GPC6: variants seen among roughly 807,000 people sequenced by gnomAD.
The protein encoded by GPC6 is glypican-6.
Under a neutral mutation model 55.2 loss-of-function variants are expected in GPC6, and 14 were observed. The observed-to-expected ratio is 0.25, with a 90% CI of 0.17 to 0.40. The LOEUF is 0.40. Among genes scored for constraint, GPC6 ranks in the 10% least tolerant of loss-of-function variants. The pLI, the probability that GPC6 is intolerant of heterozygous loss-of-function variation, is 1.00. For missense variants in GPC6, 641 were observed against 708.5 expected (o/e 0.90, Z 1.08); for synonymous variants, 278 against 259.6 (o/e 1.07, Z -0.68).
At chr13:93,545,471 G>C in intron 2 of GPC6, 50 bp downstream of exon 2, 1 of 1,434,540 alleles carries the variant, frequency 7.0e-7, no homozygotes, top group South Asian at 1.1e-5. Flanking sequence ...ACTTTTCTAT[G>C]AGAATCTTGG....
intron 4 of GPC6, among the ~76,000 whole-genome samples, chr13:94,201,814 T>C (rs1397604572): frequency 6.6e-6 from 1 of 152,062 alleles, no homozygotes; most frequent in East Asian, 1.9e-4. Context: ...CTGGGCGTGG[T>C]GGCGGGTGCC....
chr13:93,257,220 A>C (rs1876984413), intron 1 of GPC6, among the ~76,000 whole-genome samples: 1 of 152,038 alleles, frequency 6.6e-6, no homozygotes, highest in Admixed American at 6.6e-5. Flanking sequence ...GGACTGTTTG[A>C]GCACAGGTGG....
At chr13:93,937,842 G>A (rs972965752) in intron 3 of GPC6, among the ~76,000 whole-genome samples, 4 of 152,174 alleles carry the variant, frequency 2.6e-5, no homozygotes, top group Non-Finnish European at 5.9e-5. Flanking sequence ...GCCTCCCAAA[G>A]TGCTGGGATT....
At chr13:93,698,321 G>C (rs140312111) in intron 2 of GPC6, among the ~76,000 whole-genome samples, 1 of 151,966 alleles carries the variant, frequency 6.6e-6, no homozygotes, top group African/African-American at 2.4e-5. Flanking sequence ...AGCATTCTTC[G>C]TTGCAATGAA....
intron 2 of GPC6, among the ~76,000 whole-genome samples, chr13:93,756,821 G>T (rs1187750688): frequency 6.6e-6 from 1 of 152,208 alleles, no homozygotes; most frequent in Non-Finnish European, 1.5e-5. Flanking sequence ...TGTTTTAGAG[G>T]CTTGATAGGG....
At chr13:93,490,316 AC>A (rs571608534) in intron 1 of GPC6, among the ~76,000 whole-genome samples, 330 of 151,554 alleles carry the variant, frequency 2.2e-3, no homozygotes, top group African/African-American at 7.7e-3. Flanking sequence ...GAGACAAAGT[AC>A]TATAATCTGT....
At chr13:94,244,395 C>G (rs187036319) in intron 4 of GPC6, among the ~76,000 whole-genome samples, 4 of 152,096 alleles carry the variant, frequency 2.6e-5, no homozygotes, top group Admixed American at 1.3e-4. Context: ...AGTTTCACCA[C>G]CTGTGAAGTT....
At chr13:93,306,521 A>G (rs909371627) in intron 1 of GPC6, among the ~76,000 whole-genome samples, 1 of 152,164 alleles carries the variant, frequency 6.6e-6, no homozygotes, top group Non-Finnish European at 1.5e-5. Flanking sequence ...ACAAAATATA[A>G]TCACTAAATC....
At chr13:93,475,870 A>T (rs1879284348) in intron 1 of GPC6, among the ~76,000 whole-genome samples, 1 of 152,188 alleles carries the variant, frequency 6.6e-6, no homozygotes. Context: ...CAGAAAAAAC[A>T]TTTGAACAAG....
At chr13:93,250,292 T>G (rs1001918965) in intron 1 of GPC6, among the ~76,000 whole-genome samples, 11 of 152,322 alleles carry the variant, frequency 7.2e-5, no homozygotes, top group Non-Finnish European at 1.6e-4. Flanking sequence ...TGCGGAGTGA[T>G]AAAGGAGTGA....
Position 93,959,799 on chromosome 13 carries a change from T to A in GPC6, c.712-67930T>A, listed in dbSNP as rs575995579. Among the ~76,000 whole-genome samples the A allele has an allele frequency of 3.9e-5, 6 of 152,322 alleles. No homozygotes were observed. In the South Asian group the frequency reaches 1.2e-3, roughly 32 times the overall value. ...TCATTTACTCTTCACAATAACCCTA[T>A]GATCCAGTCTTATCTTTATTTTAGA... On this transcript the variant is annotated intron_variant, in intron 3 of 8. Coordinates refer to ENST00000377047, the MANE Select transcript of GPC6 (RefSeq NM_005708.5).
intron 1 of GPC6, among the ~76,000 whole-genome samples, chr13:93,385,865 G>A (rs753149611): frequency 3.3e-5 from 5 of 151,770 alleles, no homozygotes; most frequent in African/African-American, 4.8e-5. Flanking sequence ...TGTTCAATTC[G>A]TATGATTCGA....
intron 4 of GPC6, among the ~76,000 whole-genome samples, chr13:94,056,753 A>C (rs957624893): frequency 6.6e-6 from 1 of 152,188 alleles, no homozygotes; most frequent in African/African-American, 2.4e-5. Flanking sequence ...TCCAACGATA[A>C]TTTCTCCCAT....
chr13:93,709,727 G>A (rs1043600141), intron 2 of GPC6, among the ~76,000 whole-genome samples: 2 of 151,724 alleles, frequency 1.3e-5, no homozygotes, highest in African/African-American at 4.8e-5. Flanking sequence ...GGGACTTTGG[G>A]TTTACTCAAC....
chr13:94,002,043 TA>T (rs751387402), intron 3 of GPC6, among the ~76,000 whole-genome samples: 10 of 152,058 alleles, frequency 6.6e-5, no homozygotes, highest in Non-Finnish European at 1.2e-4. Flanking sequence ...GACTAGAAGA[TA>T]GGGGCCCTAT....
At chr13:93,429,505 CCT>C (rs768074386) in intron 1 of GPC6, among the ~76,000 whole-genome samples, 1 of 152,112 alleles carries the variant, frequency 6.6e-6, no homozygotes, top group Non-Finnish European at 1.5e-5. Context: ...CTGATAATTG[CCT>C]CTGTCTTTCC....
intron 1 of GPC6, among the ~76,000 whole-genome samples, chr13:93,231,420 T>TAG (rs1876054279): frequency 2.1e-5 from 1 of 48,602 alleles, no homozygotes; most frequent in Non-Finnish European, 3.9e-5. Flanking sequence ...TATATATATA[T>TAG]ATACGTATAT....
chr13:94,261,503 A>C (rs1031244467), intron 4 of GPC6, among the ~76,000 whole-genome samples: 1 of 152,216 alleles, frequency 6.6e-6, no homozygotes, highest in Non-Finnish European at 1.5e-5. Context: ...TTTACGTGTG[A>C]GGTCAGTAGA....
intron 2 of GPC6, among the ~76,000 whole-genome samples, chr13:93,579,015 A>G (rs571195446): frequency 3.3e-5 from 5 of 152,092 alleles, no homozygotes; most frequent in Non-Finnish European, 7.4e-5. Context: ...AACATATTAT[A>G]TGTTCTCATT....
Sources: gnomAD v4.1 joint callset for allele counts (sites outside exome capture counted in the v4.1 genomes callset) on GRCh38, gnomAD v4.1.1 for gene constraint, MANE v1.5 for transcripts, NCBI Gene and HGNC (gene_info 2026-07-23, HGNC 2026-07-21) for gene names.